The following C8orf34 variants were observed in gnomAD, a reference collection of about 807,000 sequenced individuals.
C8orf34 encodes the protein uncharacterized protein C8orf34.
In C8orf34, 65 loss-of-function variants were observed where a neutral mutation model predicts 68.3. That is an observed-to-expected ratio of 0.95 (90% CI 0.78 to 1.17). C8orf34 has a LOEUF of 1.17. Among genes scored for constraint, C8orf34 ranks in the 50% most tolerant of loss-of-function variants. The pLI, the probability that C8orf34 is intolerant of heterozygous loss-of-function variation, is 0.00. For missense variants in C8orf34, 664 were observed against 655.4 expected (o/e 1.01, Z -0.14); for synonymous variants, 244 against 241.2 (o/e 1.01, Z -0.11).
chr8:68,521,821 C>T lies in C8orf34; in HGVS notation c.788C>T (p.Ser263Phe), dbSNP rs202183701. ...CAGGAAACAGTGACATTTAATTCTT[C>T]TCTTCTGAGGCCCCGTGTGATTGGA... is the stretch of plus-strand genomic sequence containing the variant. ...LDKETVTFNS[S>F]LLRPRVIGEW... The change falls in exon 6 of 14, where the codon TCT becomes TTT. Residue 263 changes from serine to phenylalanine, a missense_variant. Physicochemically the swap from Ser to Phe is radical, Grantham distance 155. Coordinates refer to ENST00000518698, the MANE Select transcript of C8orf34 (RefSeq NM_052958.4). 6.2e-7 allele frequency: 1 copy of T among 1,613,372 alleles called. No individual in the cohort carries two copies. The highest frequency in any genetic ancestry group is 2.2e-5 in the East Asian group (1 of 44,842).
At chr8:68,495,771 C>T (rs1384272146) in intron 5 of C8orf34, among the ~76,000 whole-genome samples, 1 of 152,194 alleles carries the variant, frequency 6.6e-6, no homozygotes, top group Non-Finnish European at 1.5e-5. Flanking sequence ...TCTACACTCT[C>T]AATCTGTGCA....
At chr8:68,760,931 A>G (rs779420865) in intron 10 of C8orf34, among the ~76,000 whole-genome samples, 1 of 152,192 alleles carries the variant, frequency 6.6e-6, no homozygotes, top group Non-Finnish European at 1.5e-5. Context: ...ACCATAGGCT[A>G]TGGATTCCTA....
intron 6 of C8orf34, among the ~76,000 whole-genome samples, chr8:68,528,151 G>A (rs1177322739): frequency 6.6e-6 from 1 of 152,132 alleles, no homozygotes; most frequent in African/African-American, 2.4e-5. Flanking sequence ...TTAAGTCAGC[G>A]TCAACATCAT....
At chr8:68,753,343 C>T (rs1165086533) in intron 10 of C8orf34, among the ~76,000 whole-genome samples, 5 of 151,182 alleles carry the variant, frequency 3.3e-5, no homozygotes, top group Admixed American at 3.3e-4. Context: ...TTGCATGAAG[C>T]CTTGTAGAAA....
intron 10 of C8orf34, among the ~76,000 whole-genome samples, chr8:68,772,427 C>T (rs906463496): frequency 9.9e-5 from 15 of 152,158 alleles, no homozygotes; most frequent in Non-Finnish European, 2.1e-4. Flanking sequence ...TTCCATCTCA[C>T]TGAGAATGTT....
chr8:68,400,950 C>G (rs1808925005), intron 1 of C8orf34, among the ~76,000 whole-genome samples: 1 of 152,130 alleles, frequency 6.6e-6, no homozygotes. Context: ...TGCATTGACT[C>G]TGTAGATTGC....
chr8:68,367,934 A>AAAAAAAAAAAAC (rs1807378998), intron 1 of C8orf34, among the ~76,000 whole-genome samples: 1 of 146,984 alleles, frequency 6.8e-6, no homozygotes, highest in Non-Finnish European at 1.5e-5. Flanking sequence ...AAAAAAAAAA[A>AAAAAAAAAAAAC]AAAGAAAAAA....
Position 68,624,424 on chromosome 8 carries a change from T to C in C8orf34, c.1106-15952T>C, listed in dbSNP as rs1818476838. ...TGAGAAATCATCTGTAGAAGGTGCATGTATAACACTTCAGCGGTATGTACA... is the reference window on the plus strand; with the variant it reads ...TGAGAAATCATCTGTAGAAGGTGCACGTATAACACTTCAGCGGTATGTACA... On this transcript the variant is annotated intron_variant, in intron 7 of 13. Transcript: ENST00000518698. Among the ~76,000 whole-genome samples the C allele has an allele frequency of 3.9e-5, 6 of 152,212 alleles. No individual in the cohort carries two copies. The South Asian group carries it at 1.2e-3, about 32-fold the overall frequency.
intron 7 of C8orf34, among the ~76,000 whole-genome samples, chr8:68,586,889 G>C (rs555489905): frequency 3.9e-5 from 6 of 152,172 alleles, no homozygotes; most frequent in Admixed American, 3.9e-4. Context: ...TACAAATAAA[G>C]TTTTATTCAA....
intron 6 of C8orf34, among the ~76,000 whole-genome samples, chr8:68,529,996 A>G (rs1324416593): frequency 6.6e-6 from 1 of 152,064 alleles, no homozygotes; most frequent in African/African-American, 2.4e-5. Flanking sequence ...CCTAAGGGGG[A>G]AAATCGCCTT....
chr8:68,732,353 G>T (rs547061953), intron 10 of C8orf34, among the ~76,000 whole-genome samples: 32 of 152,204 alleles, frequency 2.1e-4, no homozygotes, highest in African/African-American at 7.2e-4. Flanking sequence ...TGTCCTTGAA[G>T]TTGGATTTCC....
chr8:68,533,600 T>C (rs922934784), intron 7 of C8orf34: 1 of 985,478 alleles, frequency 1.0e-6, no homozygotes, highest in Non-Finnish European at 1.2e-6. Context: ...GGGCAGATAG[T>C]AAATTCAGGT....
intron 9 of C8orf34, among the ~76,000 whole-genome samples, chr8:68,715,812 T>C (rs1038311371): frequency 3.9e-5 from 6 of 152,150 alleles, no homozygotes; most frequent in African/African-American, 1.4e-4. Context: ...ATCCTGTTAC[T>C]AGGTATCTAT....
At chr8:68,777,510 G>A (rs1823554769) in intron 11 of C8orf34, among the ~76,000 whole-genome samples, 1 of 152,180 alleles carries the variant, frequency 6.6e-6, no homozygotes, top group Non-Finnish European at 1.5e-5. Flanking sequence ...TTCACTTAAA[G>A]TACTTAAAGG....
chr8:68,511,433 T>C (rs369783100), intron 5 of C8orf34, among the ~76,000 whole-genome samples: 1 of 151,782 alleles, frequency 6.6e-6, no homozygotes, highest in African/African-American at 2.4e-5. Flanking sequence ...GGGCAGTGAG[T>C]AGTTTGGCGG....
intron 10 of C8orf34, among the ~76,000 whole-genome samples, chr8:68,728,182 A>T (rs1248783241): frequency 2.0e-5 from 3 of 152,132 alleles, no homozygotes; most frequent in Non-Finnish European, 4.4e-5. Context: ...AGTACCACAA[A>T]TCTCTAGGAC....
At chr8:68,501,286 C>A (rs980362376) in intron 5 of C8orf34, among the ~76,000 whole-genome samples, 1 of 152,124 alleles carries the variant, frequency 6.6e-6, no homozygotes, top group Non-Finnish European at 1.5e-5. Context: ...TTCTGAAGAC[C>A]TAAGTAGTGT....
At chr8:68,774,944 TAAAA>T (rs1224756627) in intron 10 of C8orf34, among the ~76,000 whole-genome samples, 13 of 44,676 alleles carry the variant, frequency 2.9e-4, no homozygotes, top group East Asian at 5.8e-4. Flanking sequence ...CTGTCTCCAC[TAAAA>T]AAAAAAAAAA....
chr8:68,512,018 A>C (rs114685529), intron 5 of C8orf34, among the ~76,000 whole-genome samples: 1,711 of 152,274 alleles, frequency 0.011, 42 homozygotes, highest in African/African-American at 0.04. Context: ...CAAATGTCAC[A>C]ATCTTCAAAG....
Sources: gnomAD v4.1 joint callset for allele counts (sites outside exome capture counted in the v4.1 genomes callset) on GRCh38, gnomAD v4.1.1 for gene constraint, MANE v1.5 for transcripts, NCBI Gene and HGNC (gene_info 2026-07-23, HGNC 2026-07-21) for gene names.